CCSER1: variants seen among roughly 807,000 people sequenced by gnomAD.
The protein encoded by CCSER1 is coiled-coil serine rich protein 1.
A neutral mutation model predicts 82.0 loss-of-function variants in CCSER1; 41 were observed. The observed-to-expected ratio is 0.50, with a 90% confidence interval of 0.39 to 0.65. CCSER1 has a LOEUF of 0.65. Among genes scored for constraint, CCSER1 ranks in the 30% least tolerant of loss-of-function variants. CCSER1 has a pLI of 0.00. For synonymous variants in CCSER1, 414 were observed against 383.9 expected (o/e 1.08, Z -0.92); for missense variants, 1,119 against 1,064.2 (o/e 1.05, Z -0.72).
intron 10 of CCSER1, among the ~76,000 whole-genome samples, chr4:91,590,218 C>T (rs1267107515): frequency 3.3e-5 from 5 of 151,936 alleles, no homozygotes; most frequent in South Asian, 4.1e-4. Context: ...AATTTAGAAG[C>T]GAGGTTGAAC....
intron 10 of CCSER1, among the ~76,000 whole-genome samples, chr4:91,237,132 C>CT (rs1353913865): frequency 6.6e-6 from 1 of 151,992 alleles, no homozygotes; most frequent in Non-Finnish European, 1.5e-5. Flanking sequence ...AATCAATCAT[C>CT]TTTTTTCATT....
intron 10 of CCSER1, among the ~76,000 whole-genome samples, chr4:91,486,896 A>T (rs949013349): frequency 1.3e-5 from 2 of 151,918 alleles, no homozygotes; most frequent in Admixed American, 1.3e-4. Context: ...TCCTATAGGG[A>T]TTGATTACCA....
intron 5 of CCSER1, among the ~76,000 whole-genome samples, chr4:90,587,282 ATTT>A (rs1782131015): frequency 6.6e-6 from 1 of 152,238 alleles, no homozygotes; most frequent in South Asian, 2.1e-4. Flanking sequence ...AAACCACTAA[ATTT>A]GTAGAACTCT....
At chr4:91,196,886 T>C (rs1735484242) in intron 10 of CCSER1, among the ~76,000 whole-genome samples, 1 of 152,224 alleles carries the variant, frequency 6.6e-6, no homozygotes, top group African/African-American at 2.4e-5. Flanking sequence ...CAACTATTAC[T>C]CTTTAGATAT....
intron 10 of CCSER1, among the ~76,000 whole-genome samples, chr4:91,333,733 C>A (rs1747118090): frequency 6.6e-6 from 1 of 151,900 alleles, no homozygotes; most frequent in Non-Finnish European, 1.5e-5. Flanking sequence ...TTTGTATAAT[C>A]CTGTTAAATG....
intron 10 of CCSER1, among the ~76,000 whole-genome samples, chr4:91,306,059 TTGTGTGTG>T (rs70965483): frequency 0.015 from 2,036 of 139,628 alleles, 54 homozygotes; most frequent in African/African-American, 0.049. Flanking sequence ...ATCAGTGTGT[TTGTGTGTG>T]TGTGTGTGTG....
chr4:90,916,468 A>G (rs1237142248), intron 8 of CCSER1, among the ~76,000 whole-genome samples: 1 of 152,138 alleles, frequency 6.6e-6, no homozygotes, highest in Non-Finnish European at 1.5e-5. Context: ...CATATGGAGA[A>G]AGCTGAAACT....
intron 4 of CCSER1, among the ~76,000 whole-genome samples, chr4:90,400,840 T>G (rs149076828): frequency 6.6e-6 from 1 of 152,170 alleles, no homozygotes; most frequent in Non-Finnish European, 1.5e-5. Context: ...CATTTACACT[T>G]AATTTTTTTG....
intron 1 of CCSER1, among the ~76,000 whole-genome samples, chr4:90,198,417 T>A (rs2153402726): frequency 6.6e-6 from 1 of 152,322 alleles, no homozygotes. Context: ...AATATACATT[T>A]CTTATATCAC....
chr4:91,556,917 C>A (rs1762433688), intron 10 of CCSER1, among the ~76,000 whole-genome samples: 1 of 151,046 alleles, frequency 6.6e-6, no homozygotes, highest in South Asian at 2.1e-4. Flanking sequence ...AAGTCACAGC[C>A]ATTTTTTAGA....
At chr4:90,925,032 AT>A (rs944667809) in intron 9 of CCSER1, among the ~76,000 whole-genome samples, 3 of 152,102 alleles carry the variant, frequency 2.0e-5, no homozygotes, top group African/African-American at 4.8e-5. Flanking sequence ...CTGCCTAAAA[AT>A]TTTTTAATGA....
chr4:90,602,739 T>G (rs1163688833), intron 5 of CCSER1, among the ~76,000 whole-genome samples: 1 of 152,164 alleles, frequency 6.6e-6, no homozygotes, highest in African/African-American at 2.4e-5. Context: ...GCAAGTCTCA[T>G]GGGGACAATA....
At chr4:90,251,482 C>T (rs561098969) in intron 1 of CCSER1, among the ~76,000 whole-genome samples, 40 of 151,746 alleles carry the variant, frequency 2.6e-4, no homozygotes, top group Non-Finnish European at 3.4e-4. Flanking sequence ...ATAACAGAAA[C>T]ATGTGCTTTT....
At chr4:91,321,924 A>C (rs1746226897) in intron 10 of CCSER1, among the ~76,000 whole-genome samples, 2 of 152,114 alleles carry the variant, frequency 1.3e-5, no homozygotes, top group Admixed American at 1.3e-4. Flanking sequence ...TTATTATTTG[A>C]TTAACATCAG....
At chr4:91,197,956 A>C (rs1246904531) in intron 10 of CCSER1, among the ~76,000 whole-genome samples, 1 of 152,132 alleles carries the variant, frequency 6.6e-6, no homozygotes, top group Non-Finnish European at 1.5e-5. Flanking sequence ...ATAAAATTAT[A>C]CTAAATAAAT....
intron 10 of CCSER1, among the ~76,000 whole-genome samples, chr4:91,530,620 A>G (rs532906523): frequency 6.6e-6 from 1 of 151,974 alleles, no homozygotes; most frequent in Non-Finnish European, 1.5e-5. Context: ...TGGACTGTTG[A>G]CCTATACAAC....
At chr4:91,226,111 C>T (rs11097310) in intron 10 of CCSER1, among the ~76,000 whole-genome samples, 29,047 of 151,672 alleles carry the variant, frequency 0.19, 2,971 homozygotes, top group African/African-American at 0.24. Context: ...CCCATTAACT[C>T]GTCATTTAAC....
At chr4:91,415,911 A>G (rs916024621) in intron 10 of CCSER1, among the ~76,000 whole-genome samples, 2 of 152,090 alleles carry the variant, frequency 1.3e-5, no homozygotes, top group African/African-American at 4.8e-5. Context: ...TGGTATCAGG[A>G]TGATGCTAAC....
intron 9 of CCSER1, among the ~76,000 whole-genome samples, chr4:91,020,385 G>A (rs1204402920): frequency 1.6e-4 from 24 of 152,074 alleles, no homozygotes; most frequent in Admixed American, 1.4e-3. Flanking sequence ...TACCTTGGCC[G>A]GGTGCGGTGG....
Sources: gnomAD v4.1 joint callset for allele counts (sites outside exome capture counted in the v4.1 genomes callset) on GRCh38, gnomAD v4.1.1 for gene constraint, MANE v1.5 for transcripts, NCBI Gene and HGNC (gene_info 2026-07-23, HGNC 2026-07-21) for gene names.